Variants in MEIKIN observed in about 807,000 individuals in gnomAD.
The protein encoded by MEIKIN is meiotic kinetochore factor, also known as meiosis-specific kinetochore protein.
In MEIKIN at chr5:131,942,701, T is replaced by G; in HGVS notation, c.289-6A>C. On this transcript the variant is annotated splice_polypyrimidine_tract_variant and splice_region_variant and intron_variant, in intron 3 of 12. Coordinates refer to ENST00000442687, the MANE Select transcript of MEIKIN (RefSeq NM_001303622.2). ...AGGTCATCAGTAACTGATTCCTAAG[T>G]GAAATAAGAATTAAAGCTATAGCAA... 3 of 398,298 alleles carry G rather than the reference T, an allele frequency of 7.5e-6. No individual in the cohort carries two copies. The highest frequency in any genetic ancestry group is 8.9e-6 in the Non-Finnish European group (2 of 225,654). 24.7% of individuals were successfully genotyped at this position (398,298 alleles called of 1,614,324 possible). A position where few individuals can be genotyped will look rare whatever the true frequency, so the allele number is the denominator to read the frequency against.
intron 6 of MEIKIN, among the ~76,000 whole-genome samples, chr5:131,919,502 G>T (rs1751470648): frequency 6.6e-6 from 1 of 152,102 alleles, no homozygotes; most frequent in Non-Finnish European, 1.5e-5. Flanking sequence ...AGGTATTTTT[G>T]AATCAACAAA....
In MEIKIN at chr5:131,902,634, T is replaced by C. The variant is rs147288646; in HGVS notation, c.703+9181A>G. Among the ~76,000 whole-genome samples the C allele has an allele frequency of 7.4e-4, 113 of 152,190 alleles. No individual in the cohort carries two copies. The East Asian group carries it at 0.014, about 19-fold the overall frequency. On this transcript the variant is annotated intron_variant, in intron 8 of 12. Transcript: ENST00000442687. ...CCCGGTCTCAGATATTTCTTTATAG[T>C]AATGCAAAAATGAATAATACAGACA... is the stretch of plus-strand genomic sequence containing the variant.
chr5:131,837,779 G>C (rs1254005613), intron 11 of MEIKIN, among the ~76,000 whole-genome samples: 1 of 152,080 alleles, frequency 6.6e-6, no homozygotes, highest in Non-Finnish European at 1.5e-5. Context: ...GAGTTTTCTA[G>C]ATATATGATC....
chr5:131,932,216 C>G (rs1751702918), intron 5 of MEIKIN, among the ~76,000 whole-genome samples: 1 of 152,170 alleles, frequency 6.6e-6, no homozygotes, highest in African/African-American at 2.4e-5. Flanking sequence ...ATTCCCTCTT[C>G]CAAATTCAGT....
intron 9 of MEIKIN, among the ~76,000 whole-genome samples, chr5:131,877,295 T>A (rs1403262817): frequency 6.6e-6 from 1 of 152,128 alleles, no homozygotes; most frequent in African/African-American, 2.4e-5. Context: ...TAATGAAAGC[T>A]ACTCAAAAAG....
At chr5:131,815,115 C>T (rs1773078644) in intron 12 of MEIKIN, among the ~76,000 whole-genome samples, 1 of 57,652 alleles carries the variant, frequency 1.7e-5, no homozygotes, top group Non-Finnish European at 4.1e-5. Flanking sequence ...GAATGCTTTA[C>T]CCATTGTCAT....
At chr5:131,919,245 T>C (rs529415965) in intron 6 of MEIKIN, among the ~76,000 whole-genome samples, 15 of 152,210 alleles carry the variant, frequency 9.9e-5, no homozygotes, top group Non-Finnish European at 1.8e-4. Flanking sequence ...GGTAAGGATA[T>C]AGTGAGACCA....
intron 8 of MEIKIN, among the ~76,000 whole-genome samples, chr5:131,910,856 A>C (rs184416919): frequency 6.6e-6 from 1 of 152,264 alleles, no homozygotes; most frequent in East Asian, 1.9e-4. Flanking sequence ...GAATTCAAGA[A>C]TCACTATTCT....
intron 11 of MEIKIN, among the ~76,000 whole-genome samples, chr5:131,820,238 AT>A (rs1179571690): frequency 1.3e-5 from 2 of 151,372 alleles, no homozygotes; most frequent in African/African-American, 4.9e-5. Context: ...CGCCTGGTTA[AT>A]TTTTTTGTAT....
chr5:131,903,166 T>C (rs969572884), intron 8 of MEIKIN, among the ~76,000 whole-genome samples: 2 of 152,096 alleles, frequency 1.3e-5, no homozygotes, highest in Non-Finnish European at 2.9e-5. Flanking sequence ...AGAGGCCTAA[T>C]CTATGAGTCA....
chr5:131,885,836 T>C (rs554255460), intron 8 of MEIKIN, among the ~76,000 whole-genome samples: 2 of 152,274 alleles, frequency 1.3e-5, no homozygotes, highest in Non-Finnish European at 2.9e-5. Context: ...GGACCAATCC[T>C]GGAGAAACGG....
chr5:131,830,142 C>A (rs1201928585), intron 11 of MEIKIN, among the ~76,000 whole-genome samples: 1 of 152,136 alleles, frequency 6.6e-6, no homozygotes, highest in Non-Finnish European at 1.5e-5. Flanking sequence ...GTAATACCAG[C>A]ACTTTGAGAG....
At chr5:131,895,744 AT>A (rs1751035719) in intron 8 of MEIKIN, among the ~76,000 whole-genome samples, 1 of 152,022 alleles carries the variant, frequency 6.6e-6, no homozygotes, top group African/African-American at 2.4e-5. Flanking sequence ...CCCCTTTATC[AT>A]TTTTTATTGT....
intron 4 of MEIKIN, among the ~76,000 whole-genome samples, chr5:131,940,928 C>T (rs1197630426): frequency 6.6e-6 from 1 of 152,042 alleles, no homozygotes; most frequent in African/African-American, 2.4e-5. Flanking sequence ...TCAGACTCTC[C>T]TCTGTTTATC....
intron 11 of MEIKIN, among the ~76,000 whole-genome samples, chr5:131,840,754 T>A (rs1477635483): frequency 6.6e-6 from 1 of 152,220 alleles, no homozygotes; most frequent in African/African-American, 2.4e-5. Context: ...TGTATCATTT[T>A]ACTGTGATAC....
At chr5:131,881,641 G>A (rs1750704281) in intron 8 of MEIKIN, among the ~76,000 whole-genome samples, 1 of 151,928 alleles carries the variant, frequency 6.6e-6, no homozygotes, top group Non-Finnish European at 1.5e-5. Flanking sequence ...AAGCTAATAA[G>A]CCTTTCAGTT....
intron 11 of MEIKIN, among the ~76,000 whole-genome samples, chr5:131,819,316 T>C (rs1427030734): frequency 6.6e-6 from 1 of 151,294 alleles, no homozygotes; most frequent in Non-Finnish European, 1.5e-5. Flanking sequence ...AATAAAAAAA[T>C]ACCGGCTGGG....
chr5:131,851,347 C>T lies in MEIKIN; in HGVS notation c.892G>A (p.Glu298Lys), dbSNP rs1476886515. ...LSSVQKASFE[E>K]LFPNVSNYVN... ...TAATTGCTGACATTTGGAAATAGTT[C>T]TTCAAAAGATGCTTTTTGCACTGAG... Residue 298 changes from glutamate to lysine, a missense_variant, in exon 11 of 13, where the codon GAA (glutamate) becomes AAA (lysine). Physicochemically the swap from Glu to Lys is moderately conservative, Grantham distance 56. Coordinates refer to ENST00000442687, the MANE Select transcript of MEIKIN (RefSeq NM_001303622.2). 1 of 398,080 alleles carries T rather than the reference C, an allele frequency of 2.5e-6. No individual in the cohort carries two copies. The highest frequency in any genetic ancestry group is 3.6e-5 in the East Asian group (1 of 27,908). The allele number at this position is 398,080 out of a possible 1,614,324, so 24.7% of individuals were successfully genotyped here. A position where few individuals can be genotyped will look rare whatever the true frequency, so the allele number is the denominator to read the frequency against.
At chr5:131,939,243 T>C (rs1195124223) in intron 4 of MEIKIN, among the ~76,000 whole-genome samples, 1 of 152,172 alleles carries the variant, frequency 6.6e-6, no homozygotes, top group Non-Finnish European at 1.5e-5. Flanking sequence ...ACTGTTACTT[T>C]TGAAGATTCC....
Sources: allele counts gnomAD v4.1 joint callset (sites outside exome capture counted in the v4.1 genomes callset), GRCh38; gene constraint gnomAD v4.1.1; transcripts MANE v1.5; gene names NCBI Gene and HGNC (gene_info 2026-07-23, HGNC 2026-07-21).